The following GNPTG variants were observed in gnomAD, a reference collection of about 807,000 sequenced individuals.
GNPTG encodes the protein N-acetylglucosamine-1-phosphotransferase subunit gamma.
GNPTG carries 46 observed loss-of-function variants against 43.8 expected under a neutral mutation model. The observed-to-expected ratio is 1.05, with a 90% confidence interval of 0.83 to 1.34. The LOEUF (loss-of-function observed/expected upper bound fraction) is 1.34, where lower values mean the gene tolerates loss of function less well. Among genes scored for constraint, GNPTG ranks in the 40% most tolerant of loss-of-function variants. The probability of loss-of-function intolerance (pLI) is 0.00; values close to 1 mark genes in which losing one functional copy is unlikely to be tolerated. For missense variants in GNPTG, 549 were observed against 411.3 expected, an observed-to-expected ratio of 1.33 and a Z score of -2.90; for synonymous variants, 250 against 172.8, an observed-to-expected ratio of 1.45 and a Z score of -3.50.
At chr16:1,360,370 A>G (rs1229544561) in intron 3 of GNPTG, among the ~76,000 whole-genome samples, 1 of 152,166 alleles carries the variant, frequency 6.6e-6, no homozygotes, top group Non-Finnish European at 1.5e-5. Context: ...CACACCTGTA[A>G]TCCCAGCACT....
intron 3 of GNPTG, among the ~76,000 whole-genome samples, chr16:1,353,606 C>G (rs1341195459): frequency 1.3e-5 from 2 of 152,128 alleles, no homozygotes; most frequent in Non-Finnish European, 2.9e-5. Context: ...TCACTGCATC[C>G]TTGAACTCCT....
At chr16:1,356,887 C>G (rs967118649) in intron 3 of GNPTG, among the ~76,000 whole-genome samples, 1 of 5,580 alleles carries the variant, frequency 1.8e-4, no homozygotes, top group Non-Finnish European at 4.6e-4. Context: ...GGGCGGGGGT[C>G]TGCGGGCGGG....
rs967816617 is a variant in GNPTG, at chr16:1,363,445, C to T, written c.*354C>T. ...CTTCCAGAAATTAATCCACTTGAGG[C>T]GTCCACGCGGAACAAGGTCTGCTGA... is the stretch of plus-strand genomic sequence containing the variant. On this transcript the variant is annotated 3_prime_UTR_variant, in exon 11 of 11. Transcript: ENST00000204679. The T allele has an allele frequency of 2.9e-6, 1 of 346,894 alleles. No individual in the cohort carries two copies. Among genetic ancestry groups the T allele is most frequent in the African/African-American group, 2.1e-5 (1 of 46,824 alleles). 21.5% of individuals were successfully genotyped at this position (346,894 alleles called of 1,614,324 possible).
chr16:1,359,288 ATAGAGTCTAACT>A (rs1407956961), intron 3 of GNPTG, among the ~76,000 whole-genome samples: 1 of 151,066 alleles, frequency 6.6e-6, no homozygotes, highest in Middle Eastern at 3.2e-3. Context: ...TTTTTTCCAT[ATAGAGTCTAACT>A]CTGTAGCCCA....
At chr16:1,354,713 T>C (rs1041473732) in intron 3 of GNPTG, among the ~76,000 whole-genome samples, 5 of 152,160 alleles carry the variant, frequency 3.3e-5, no homozygotes, top group Non-Finnish European at 1.5e-5. Context: ...TATGTGTCTT[T>C]AGTGTTTTAA....
At chr16:1,353,949 G>A (rs1298210466) in intron 3 of GNPTG, among the ~76,000 whole-genome samples, 1 of 152,218 alleles carries the variant, frequency 6.6e-6, no homozygotes, top group African/African-American at 2.4e-5. Flanking sequence ...GATTCAGCTG[G>A]GGTAGCCACA....
In GNPTG at chr16:1,362,639, T is replaced by C. The variant is rs768131774; in HGVS notation, c.638T>C (p.Phe213Ser). Residue 213 changes from phenylalanine to serine, a missense_variant, in exon 9 of 11, where the codon TTT (phenylalanine) becomes TCT (serine). Transcript: ENST00000204679. ...CATGAGAAGTTGCTGAGGACACTTT[T>C]TGAGGATGCTGGCTACTTAAAGACC... ...QGHEKLLRTL[F>S]EDAGYLKTPE... is the part of the protein sequence containing the mutation. 4.3e-6 allele frequency: 7 copies of C among 1,614,130 alleles called. No individual in the cohort carries two copies. Among genetic ancestry groups the C allele is most frequent in the Non-Finnish European group, 8.5e-7 (1 of 1,180,022 alleles).
In GNPTG at chr16:1,362,034, C is replaced by A; in HGVS notation, c.318-4C>A. 6.2e-7 allele frequency: 1 copy of A among 1,612,810 alleles called. No individual in the cohort carries two copies. Among genetic ancestry groups the A allele is most frequent in the Non-Finnish European group, 8.5e-7 (1 of 1,179,712 alleles). On this transcript the variant is annotated splice_region_variant and splice_polypyrimidine_tract_variant and intron_variant, in intron 5 of 10. Coordinates refer to ENST00000204679, the MANE Select transcript of GNPTG (RefSeq NM_032520.5). ...CCTCACGTGCCGTGCCCGTGTCTCC[C>A]CAGCATCTGGCACGAGTGGGAGATC...
chr16:1,360,308 CT>C (rs938172549), intron 3 of GNPTG, among the ~76,000 whole-genome samples: 8 of 152,110 alleles, frequency 5.3e-5, no homozygotes, highest in Non-Finnish European at 8.8e-5. Flanking sequence ...CACTTTCAAC[CT>C]GTTTATGTCT....
At position 1,362,354 on chromosome 16, in the gene GNPTG, GT is replaced by G. The variant is rs758069672; in HGVS notation, c.526+35del. 9 of 1,607,982 alleles carry G rather than the reference GT, an allele frequency of 5.6e-6. No individual in the cohort carries two copies. The South Asian group carries it at 8.8e-5, about 16-fold the overall frequency. ...GCGGGACGCAGTTGAGCCCAGTGGG[GT>G]CAGCCGCGCACGCAGCCCTGCTGGA... On this transcript the variant is annotated intron_variant, in intron 7 of 10. Transcript: ENST00000204679.
chr16:1,352,447 C>A, intron 3 of GNPTG, 141 bp downstream of exon 3: 1 of 842,510 alleles, frequency 1.2e-6, no homozygotes, highest in Non-Finnish European at 2.0e-6. Context: ...TGTGGAAGTA[C>A]GAGAGAATAT....
In GNPTG at chr16:1,361,527, C is replaced by T. The variant is rs951906075; in HGVS notation, c.179-216C>T. ...GGCATGGTGGCGGGCGCCTGTAGTC[C>T]CAGCTACTTGGGAGGCTGAGGCAGG... On this transcript the variant is annotated intron_variant, in intron 3 of 10. Transcript: ENST00000204679. 3.9e-5 allele frequency: 21 copies of T among 535,318 alleles called. No homozygotes were observed. In the Admixed American group the frequency reaches 4.8e-4, roughly 12 times the overall value. The allele number at this position is 535,318 out of a possible 1,614,324, so 33.2% of individuals were successfully genotyped here.
intron 3 of GNPTG, among the ~76,000 whole-genome samples, chr16:1,356,323 G>C (rs1293584493): frequency 2.6e-5 from 4 of 152,310 alleles, no homozygotes; most frequent in East Asian, 1.9e-4. Flanking sequence ...GGGACGTGCG[G>C]GTGAAGCAGG....
intron 3 of GNPTG, among the ~76,000 whole-genome samples, chr16:1,356,383 T>C (rs1469747832): frequency 2.0e-5 from 3 of 151,582 alleles, no homozygotes; most frequent in Non-Finnish European, 2.9e-5. Context: ...GGGGTGGTGG[T>C]ATTTGGGGGT....
Position 1,351,973 on chromosome 16 carries a change from C to G in GNPTG, c.8C>G (p.Ala3Gly). The G allele has an allele frequency of 7.6e-7, 1 of 1,317,910 alleles. No homozygotes were observed. The highest frequency in any genetic ancestry group is 3.7e-5 in the Admixed American group (1 of 26,918). 81.6% of individuals were successfully genotyped at this position (1,317,910 alleles called of 1,614,324 possible). A position where few individuals can be genotyped will look rare whatever the true frequency, so the allele number is the denominator to read the frequency against. MA[A>G]GLARLLLLLG... ...GGCGGCCGCTGCGGCGCGATGGCGGCGGGGCTGGCGCGGCTCCTGTTGCTC... is the reference window on the plus strand; with the variant it reads ...GGCGGCCGCTGCGGCGCGATGGCGGGGGGGCTGGCGCGGCTCCTGTTGCTC... Residue 3 changes from alanine (A) to glycine (G), a missense_variant, in exon 1 of 11, where the codon GCG (alanine) becomes GGG (glycine). Coordinates refer to ENST00000204679, the MANE Select transcript of GNPTG (RefSeq NM_032520.5).
intron 3 of GNPTG, among the ~76,000 whole-genome samples, chr16:1,355,229 G>T (rs550552559): frequency 2.6e-5 from 4 of 152,352 alleles, no homozygotes; most frequent in Non-Finnish European, 5.9e-5. Flanking sequence ...CTGCGTCTGT[G>T]GGGTCGGGTG....
intron 3 of GNPTG, chr16:1,358,838 G>A (rs1277642759): frequency 6.7e-6 from 1 of 149,014 alleles, no homozygotes; most frequent in African/African-American, 2.5e-5. Context: ...AGTCATGTGG[G>A]ATCTTTTCAG....
chr16:1,354,048 G>C (rs2034729925), intron 3 of GNPTG, among the ~76,000 whole-genome samples: 1 of 152,116 alleles, frequency 6.6e-6, no homozygotes, highest in Middle Eastern at 3.2e-3. Flanking sequence ...TAAGTTTTTT[G>C]TTGTGTGGCT....
In GNPTG at chr16:1,356,857, G is replaced by A. The variant is rs180871257; in HGVS notation, c.178+4551G>A. ...TTGACCAGCCACCCTCCCAGCGGGA[G>A]TGTGAGAGCGGGAATCTGCGGGCGG... On this transcript the variant is annotated intron_variant, in intron 3 of 10. Transcript: ENST00000204679. 6.2e-3 allele frequency among the ~76,000 whole-genome samples: 911 copies of A among 147,426 alleles called. 15 individuals are homozygous for A. Among genetic ancestry groups the A allele is most frequent in the African/African-American group, 0.022 (873 of 40,150 alleles).
Sources: allele counts gnomAD v4.1 joint callset (sites outside exome capture counted in the v4.1 genomes callset), GRCh38; gene constraint gnomAD v4.1.1; transcripts MANE v1.5; gene names NCBI Gene and HGNC (gene_info 2026-07-23, HGNC 2026-07-21).